The following MBD3L1 variants were observed in gnomAD, a reference collection of about 807,000 sequenced individuals.
MBD3L1 encodes methyl-CpG binding domain protein 3 like 1, also known as methyl-CpG-binding domain protein 3-like 1.
For missense variants in MBD3L1, 203 were observed against 230.1 expected (o/e 0.88, Z 0.76); for synonymous variants, 84 against 85.1 (o/e 0.99, Z 0.07).
At chr19:8,835,098 C>T (rs983556223) in intron 1 of MBD3L1, among the ~76,000 whole-genome samples, 3 of 150,990 alleles carry the variant, frequency 2.0e-5, no homozygotes, top group Admixed American at 1.3e-4. Context: ...GTCACCTAGG[C>T]TGGAGTGCTG....
intron 2 of MBD3L1, 195 bp from the exon 3 acceptor site, chr19:8,842,463 G>A (rs2044523216): frequency 1.9e-6 from 1 of 536,012 alleles, no homozygotes; most frequent in African/African-American, 1.9e-5. Context: ...GGGGTTTGCA[G>A]GATGATGAAG....
intron 2 of MBD3L1, 29 bp downstream of exon 2, chr19:8,841,028 A>AT (rs35087324): frequency 0.045 from 6,297 of 139,922 alleles, 424 homozygotes; most frequent in African/African-American, 0.15. Context: ...ATCTAAATGA[A>AT]TTTTTTTTTT....
rs2044527174 is a variant in MBD3L1 at position 8,842,893 on chromosome 19, A to G, written c.215A>G (p.Gln72Arg). Residue 72 changes from glutamine (Q) to arginine (R), a missense_variant, in exon 3 of 3, where the codon CAG becomes CGG. Physicochemically the swap from Gln to Arg is conservative, Grantham distance 43. Transcript: ENST00000595891. ...CAGGTCTGCTGGCAGAGGAGACTGC[A>G]GGGACTCCAGGCTTACAGCAGTGCA... ...PQQVCWQRRL[Q>R]GLQAYSSAGE... 6.2e-7 allele frequency: 1 copy of G among 1,614,246 alleles called. No homozygotes were observed.
At chr19:8,833,667 A>C (rs1247890248) in intron 1 of MBD3L1, 1 of 152,196 alleles carries the variant, frequency 6.6e-6, no homozygotes, top group African/African-American at 2.4e-5. Flanking sequence ...TGATAAATAG[A>C]ATACATGGTG....
At chr19:8,839,147 TGCCCCG>T (rs2044484428) in intron 1 of MBD3L1, among the ~76,000 whole-genome samples, 1 of 148,356 alleles carries the variant, frequency 6.7e-6, no homozygotes, top group Non-Finnish European at 1.5e-5. Flanking sequence ...CAGATGTACT[TGCCCCG>T]TATTTAGATT....
chr19:8,841,045 T>TA (rs59299155), intron 2 of MBD3L1, 46 bp downstream of exon 2: 2 of 151,402 alleles, frequency 1.3e-5, no homozygotes, highest in Non-Finnish European at 2.9e-5. Flanking sequence ...TTTTTTTTTT[T>TA]AGACAGGGTC....
intron 1 of MBD3L1, among the ~76,000 whole-genome samples, chr19:8,838,421 G>A (rs558215157): frequency 5.3e-5 from 8 of 151,932 alleles, no homozygotes; most frequent in Non-Finnish European, 1.2e-4. Flanking sequence ...ACCCTCTCCC[G>A]AGGACATGGA....
intron 2 of MBD3L1, among the ~76,000 whole-genome samples, chr19:8,841,284 G>C (rs191405205): frequency 6.6e-6 from 1 of 150,954 alleles, no homozygotes; most frequent in East Asian, 2.0e-4. Flanking sequence ...CACCCACCTC[G>C]GCCTCCCAAA....
At chr19:8,832,828 T>G (rs926972215) in intron 1 of MBD3L1, among the ~76,000 whole-genome samples, 21 of 150,836 alleles carry the variant, frequency 1.4e-4, no homozygotes, top group African/African-American at 4.6e-4. Flanking sequence ...AGGCTGTGGT[T>G]GTGACAGCCC....
intron 1 of MBD3L1, among the ~76,000 whole-genome samples, chr19:8,839,136 T>A (rs2044484261): frequency 6.6e-6 from 1 of 152,040 alleles, no homozygotes; most frequent in African/African-American, 2.4e-5. Context: ...TTGAATGTTA[T>A]CAGATGTACT....
chr19:8,843,211 C>T lies in MBD3L1; in HGVS notation c.533C>T (p.Ala178Val), dbSNP rs749617556. Reference protein sequence around the residue: ...LAIALIADGLANEAEKVRDQE... With the variant: ...LAIALIADGLVNEAEKVRDQE... Reference sequence around the variant, plus strand: ...ATAGCACTGATTGCGGATGGACTCGCTAATGAGGCAGAGAAAGTGAGAGAC... The same window carrying T: ...ATAGCACTGATTGCGGATGGACTCGTTAATGAGGCAGAGAAAGTGAGAGAC... Residue 178 changes from alanine (A) to valine (V), a missense_variant, in exon 3 of 3, where the codon GCT (alanine) becomes GTT (valine). Ala to Val is a moderately conservative substitution (Grantham distance 64, BLOSUM62 0). Transcript: ENST00000595891. The T allele has an allele frequency of 1.2e-6, 2 of 1,610,380 alleles. No homozygotes were observed. Among genetic ancestry groups the T allele is most frequent in the South Asian group, 1.1e-5 (1 of 90,274 alleles).
chr19:8,843,299 GTA>G lies in MBD3L1; in HGVS notation c.*37_*38del. ...GAAGATAGTGCAGATGAAATAAAGT[GTA>G]ATCCTTTATTAACATCTCTTTGCAG... is the stretch of plus-strand genomic sequence containing the variant. On this transcript the variant is annotated 3_prime_UTR_variant, in exon 3 of 3. Transcript: ENST00000595891. 7 of 1,426,474 alleles carry G rather than the reference GTA, an allele frequency of 4.9e-6. No homozygotes were observed. Among genetic ancestry groups the G allele is most frequent in the Non-Finnish European group, 5.6e-6 (6 of 1,068,294 alleles). 88.4% of individuals were successfully genotyped at this position (1,426,474 alleles called of 1,614,324 possible).
intron 1 of MBD3L1, among the ~76,000 whole-genome samples, chr19:8,837,129 C>T (rs1435957443): frequency 6.6e-6 from 1 of 152,208 alleles, no homozygotes; most frequent in Non-Finnish European, 1.5e-5. Context: ...TGACCTCGCC[C>T]TCTGCTAGCA....
At chr19:8,836,664 G>A (rs2044459237) in intron 1 of MBD3L1, among the ~76,000 whole-genome samples, 1 of 152,018 alleles carries the variant, frequency 6.6e-6, no homozygotes, top group Non-Finnish European at 1.5e-5. Flanking sequence ...GCTAGTTTTT[G>A]TATTTTTTAT....
chr19:8,842,688 AGTTCACAGAGGAAGCAACGTGACTGT>A lies in MBD3L1; in HGVS notation c.13_38del (p.Ser5LysfsTer36), dbSNP rs2044525157. The A allele has an allele frequency of 6.2e-7, 1 of 1,613,014 alleles. No homozygotes were observed. The highest frequency in any genetic ancestry group is 1.3e-5 in the African/African-American group (1 of 74,902). ...GAGGAAAAGAAGTGTGATGGCCAAG[AGTTCACAGAGGAAGCAACGTGACTGT>A]GTAAACCAATGCAAATCAAAGCCTG... On this transcript the variant is annotated frameshift_variant, in exon 3 of 3. Transcript: ENST00000595891. LOFTEE classifies it low-confidence loss of function (END_TRUNC).
intron 1 of MBD3L1, among the ~76,000 whole-genome samples, chr19:8,833,912 C>A (rs1007779317): frequency 2.6e-5 from 4 of 151,948 alleles, no homozygotes; most frequent in African/African-American, 9.7e-5. Flanking sequence ...AGCTTGAACT[C>A]GGGAGGTGGA....
chr19:8,841,307 C>T (rs1232554861), intron 2 of MBD3L1, among the ~76,000 whole-genome samples: 1 of 151,630 alleles, frequency 6.6e-6, no homozygotes, highest in Non-Finnish European at 1.5e-5. Context: ...GCTGAGATTA[C>T]AGGCGTGGAG....
intron 1 of MBD3L1, among the ~76,000 whole-genome samples, chr19:8,836,836 A>G (rs113600027): frequency 1.3e-5 from 2 of 152,348 alleles, no homozygotes; most frequent in African/African-American, 4.8e-5. Flanking sequence ...ATTAAATGGC[A>G]AAACAAACTG....
intron 1 of MBD3L1, among the ~76,000 whole-genome samples, chr19:8,837,515 C>G (rs549012800): frequency 1.9e-4 from 29 of 152,242 alleles, no homozygotes; most frequent in Admixed American, 5.2e-4. Context: ...TTCCAGGGCT[C>G]GACAACCACT....
Sources: gnomAD v4.1 joint callset for allele counts (sites outside exome capture counted in the v4.1 genomes callset) on GRCh38, gnomAD v4.1.1 for gene constraint, MANE v1.5 for transcripts, NCBI Gene and HGNC (gene_info 2026-07-23, HGNC 2026-07-21) for gene names.